Variants in NRXN3 observed in about 807,000 individuals in gnomAD.
NRXN3 encodes neurexin III.
NRXN3 carries 32 observed loss-of-function variants against 137.6 expected under a neutral mutation model. The ratio of observed to expected loss-of-function variants is 0.23; its 90% CI spans 0.18 to 0.31. The LOEUF (loss-of-function observed/expected upper bound fraction) is 0.31, where lower values mean the gene tolerates loss of function less well. Among genes scored for constraint, NRXN3 ranks in the 10% least tolerant of loss-of-function variants. The probability of loss-of-function intolerance (pLI) is 1.00; values close to 1 mark genes in which losing one functional copy is unlikely to be tolerated. For synonymous variants in NRXN3, 798 were observed against 784.5 expected (o/e 1.02, Z -0.29); for missense variants, 1,574 against 2,062.5 (o/e 0.76, Z 4.59).
intron 2 of NRXN3, among the ~76,000 whole-genome samples, chr14:78,256,924 A>G (rs1372502317): frequency 1.3e-5 from 2 of 152,186 alleles, no homozygotes; most frequent in African/African-American, 4.8e-5. Flanking sequence ...GCAATCCCTT[A>G]TCCCCAGGGC....
At chr14:79,684,646 C>T (rs1444765622) in intron 17 of NRXN3, among the ~76,000 whole-genome samples, 9 of 152,116 alleles carry the variant, frequency 5.9e-5, no homozygotes. Context: ...GAATTGTCCT[C>T]CCAAACCTCC....
At chr14:79,273,591 G>A (rs1453100834) in intron 15 of NRXN3, among the ~76,000 whole-genome samples, 2 of 152,104 alleles carry the variant, frequency 1.3e-5, no homozygotes, top group African/African-American at 2.4e-5. Context: ...CCAAGATCGC[G>A]CCACTGCACT....
At chr14:79,660,787 G>T (rs1013875857) in intron 16 of NRXN3, among the ~76,000 whole-genome samples, 3 of 152,068 alleles carry the variant, frequency 2.0e-5, no homozygotes, top group African/African-American at 7.2e-5. Flanking sequence ...TTTATGTACT[G>T]GTTTCTCATT....
chr14:78,522,372 T>A (rs1212784741), intron 4 of NRXN3, among the ~76,000 whole-genome samples: 1 of 152,202 alleles, frequency 6.6e-6, no homozygotes, highest in East Asian at 1.9e-4. Context: ...CTCTTTATAT[T>A]ACACTATGAT....
chr14:78,557,358 T>A (rs2096748801), intron 4 of NRXN3, among the ~76,000 whole-genome samples: 1 of 151,696 alleles, frequency 6.6e-6, no homozygotes, highest in Admixed American at 6.6e-5. Context: ...CTGGCTGAGA[T>A]CTCTATCTTT....
At chr14:79,556,932 C>T (rs1014476659) in intron 16 of NRXN3, among the ~76,000 whole-genome samples, 2 of 152,136 alleles carry the variant, frequency 1.3e-5, no homozygotes, top group African/African-American at 4.8e-5. Context: ...CTTCTTCCCT[C>T]CTGCCCCCTG....
chr14:78,736,923 C>G (rs777201657), intron 8 of NRXN3, among the ~76,000 whole-genome samples: 8 of 151,572 alleles, frequency 5.3e-5, no homozygotes, highest in Non-Finnish European at 7.4e-5. Flanking sequence ...ATGTGACCAT[C>G]GATTGAAAAT....
At chr14:79,140,341 A>T (rs1319036298) in intron 15 of NRXN3, among the ~76,000 whole-genome samples, 1 of 152,106 alleles carries the variant, frequency 6.6e-6, no homozygotes, top group Non-Finnish European at 1.5e-5. Context: ...AGACTGTTAT[A>T]TGGGATTTGA....
At chr14:78,888,304 GTTCTGT>G (rs2099149322) in intron 10 of NRXN3, among the ~76,000 whole-genome samples, 1 of 151,978 alleles carries the variant, frequency 6.6e-6, no homozygotes, top group African/African-American at 2.4e-5. Flanking sequence ...AAGAGAATCT[GTTCTGT>G]TTCTAAGTTG....
intron 19 of NRXN3, among the ~76,000 whole-genome samples, chr14:79,752,336 A>C (rs1032011230): frequency 6.6e-6 from 1 of 151,970 alleles, no homozygotes; most frequent in African/African-American, 2.4e-5. Context: ...GGCTACAGTA[A>C]CCAAAACAGC....
rs139869825 is a variant in NRXN3, at chr14:79,379,650, G to A, written c.3263-87571G>A. On this transcript the variant is annotated intron_variant, in intron 15 of 20. Transcript: ENST00000335750. The stretch of plus-strand genomic sequence containing the variant: ...TTCTATCTTTGTAAATGCCACTGAT[G>A]TCAGCTCTCACCATTAACCATTTTC... Among the ~76,000 whole-genome samples the A allele has an allele frequency of 2.0e-5, 3 of 152,172 alleles. No homozygotes were observed. The East Asian group carries it at 5.8e-4, about 29-fold the overall frequency.
At chr14:78,839,834 G>A (rs1243508965) in intron 10 of NRXN3, among the ~76,000 whole-genome samples, 1 of 152,158 alleles carries the variant, frequency 6.6e-6, no homozygotes, top group Non-Finnish European at 1.5e-5. Flanking sequence ...ACACTACACA[G>A]CTAGCTCTTG....
intron 8 of NRXN3, among the ~76,000 whole-genome samples, chr14:78,726,320 C>G (rs1595212703): frequency 6.6e-6 from 1 of 152,154 alleles, no homozygotes; most frequent in East Asian, 1.9e-4. Context: ...AGGTATTTCT[C>G]CTAATGCTGT....
chr14:79,181,066 A>G (rs901514683), intron 15 of NRXN3, among the ~76,000 whole-genome samples: 1 of 149,932 alleles, frequency 6.7e-6, no homozygotes, highest in Admixed American at 6.7e-5. Context: ...GCATATATAT[A>G]TATATATATA....
intron 15 of NRXN3, among the ~76,000 whole-genome samples, chr14:78,993,834 A>ATTTTTTTTTTT (rs58170856): frequency 6.0e-5 from 4 of 67,006 alleles, no homozygotes; most frequent in Admixed American, 2.1e-4. Context: ...GAGCCTTGAA[A>ATTTTTTTTTTT]TTTTTTTTTT....
chr14:79,627,777 AGT>A (rs1269759170), intron 16 of NRXN3, among the ~76,000 whole-genome samples: 1 of 152,190 alleles, frequency 6.6e-6, no homozygotes, highest in Non-Finnish European at 1.5e-5. Flanking sequence ...GATTAAATGA[AGT>A]ACCATGTTTA....
At chr14:79,609,902 A>G (rs1006454408) in intron 16 of NRXN3, among the ~76,000 whole-genome samples, 1 of 152,082 alleles carries the variant, frequency 6.6e-6, no homozygotes, top group Admixed American at 6.6e-5. Flanking sequence ...GAACAATGAG[A>G]AAACATGGAC....
intron 10 of NRXN3, among the ~76,000 whole-genome samples, chr14:78,861,152 T>C (rs939852344): frequency 3.3e-5 from 5 of 152,152 alleles, no homozygotes; most frequent in Non-Finnish European, 5.9e-5. Flanking sequence ...GTAACTGTAA[T>C]TATGGAAGGT....
At position 79,241,060 on chromosome 14, in the gene NRXN3, T is replaced by C. The variant is rs75618238; in HGVS notation, c.3263-226161T>C. Reference sequence around the variant, plus strand: ...TTGTTTAAATCACATCTGAATTCACTTGGAGGAATGACACAAATTCCAAAG... The same window carrying C: ...TTGTTTAAATCACATCTGAATTCACCTGGAGGAATGACACAAATTCCAAAG... On this transcript the variant is annotated intron_variant, in intron 15 of 20. Transcript: ENST00000335750. Among the ~76,000 whole-genome samples the C allele has an allele frequency of 7.4e-3, 1,126 of 152,258 alleles. 62 individuals are homozygous for C. The East Asian group carries it at 0.15, about 20-fold the overall frequency.
Sources: allele counts gnomAD v4.1 joint callset (sites outside exome capture counted in the v4.1 genomes callset), GRCh38; gene constraint gnomAD v4.1.1; transcripts MANE v1.5; gene names NCBI Gene and HGNC (gene_info 2026-07-23, HGNC 2026-07-21).